The following VSTM2A variants were observed in gnomAD, a reference collection of about 807,000 sequenced individuals.
VSTM2A encodes the protein V-set and transmembrane domain containing 2A, also known as V-set and transmembrane domain-containing protein 2A.
In VSTM2A, 13 loss-of-function variants were observed where a neutral mutation model predicts 27.3. That is an observed-to-expected ratio of 0.48 (90% CI 0.31 to 0.76). The LOEUF (loss-of-function observed/expected upper bound fraction) is 0.76, where lower values mean the gene tolerates loss of function less well. Ranked by LOEUF, VSTM2A falls within the 30% of genes least tolerant of loss-of-function variation. The pLI is 0.05. For synonymous variants in VSTM2A, 142 were observed against 125.7 expected, an observed-to-expected ratio of 1.13 and a Z score of -0.87; for missense variants, 280 against 310.0, an observed-to-expected ratio of 0.90 and a Z score of 0.73.
At chr7:54,561,532 G>A (rs1354603611) in intron 4 of VSTM2A, among the ~76,000 whole-genome samples, 4 of 152,134 alleles carry the variant, frequency 2.6e-5, no homozygotes, top group Admixed American at 1.3e-4. Flanking sequence ...GAAGTTTGAT[G>A]AACAAATTCC....
At chr7:54,560,157 A>T (rs1164664106) in intron 4 of VSTM2A, among the ~76,000 whole-genome samples, 1 of 115,684 alleles carries the variant, frequency 8.6e-6, no homozygotes, top group Admixed American at 9.3e-5. Flanking sequence ...ACAAATAAAG[A>T]GAAGCAAAGT....
chr7:54,553,003 T>C (rs1788239322), intron 4 of VSTM2A, among the ~76,000 whole-genome samples: 1 of 152,214 alleles, frequency 6.6e-6, no homozygotes. Context: ...GGAAAACATA[T>C]TAGCTGAAAA....
At chr7:54,567,204 G>A (rs992321098) in intron 4 of VSTM2A, among the ~76,000 whole-genome samples, 2 of 152,096 alleles carry the variant, frequency 1.3e-5, no homozygotes, top group African/African-American at 2.4e-5. Context: ...TTTTCCTGGC[G>A]AAAATGAATT....
Position 54,547,016 on chromosome 7 carries a change from A to C in VSTM2A, c.297+19A>C. 1 of 1,573,116 alleles carries C rather than the reference A, an allele frequency of 6.4e-7. No homozygotes were observed. Among genetic ancestry groups the C allele is most frequent in the Non-Finnish European group, 8.6e-7 (1 of 1,162,146 alleles). ...GATCAGCGTGAGTGCGGGGCGCGCC[A>C]AGGGCCGCGGGCCCAGGCTCGGGAC... On this transcript the variant is annotated intron_variant, in intron 3 of 4. Coordinates refer to ENST00000402613, the MANE Select transcript of VSTM2A (RefSeq NM_001301009.2).
At chr7:54,563,056 G>A (rs1422614560) in intron 4 of VSTM2A, among the ~76,000 whole-genome samples, 4 of 152,124 alleles carry the variant, frequency 2.6e-5, no homozygotes, top group Non-Finnish European at 5.9e-5. Flanking sequence ...TGTGGTATTA[G>A]AATTTCGTTC....
chr7:54,569,270 C>T lies in VSTM2A; in HGVS notation c.*51C>T. 1.3e-6 allele frequency: 2 copies of T among 1,547,842 alleles called. No homozygotes were observed. Among genetic ancestry groups the T allele is most frequent in the South Asian group, 1.2e-5 (1 of 83,240 alleles). On this transcript the variant is annotated 3_prime_UTR_variant, in exon 5 of 5. Transcript: ENST00000402613. ...CCGGAAGCATAAATGAAGAGGCTATCACATGCTTTGTTGATCATATTTTCT... is the reference window on the plus strand; with the variant it reads ...CCGGAAGCATAAATGAAGAGGCTATTACATGCTTTGTTGATCATATTTTCT...
intron 3 of VSTM2A, 109 bp downstream of exon 3, chr7:54,547,106 G>C: frequency 7.5e-7 from 1 of 1,334,764 alleles, no homozygotes; most frequent in Non-Finnish European, 1.0e-6. Context: ...GGACAGCCGG[G>C]TGCCCCTTGC....
chr7:54,550,230 C>A, intron 4 of VSTM2A, 60 bp downstream of exon 4: 1 of 1,552,320 alleles, frequency 6.4e-7, no homozygotes, highest in Non-Finnish European at 8.7e-7. Context: ...ACAGAAAGGT[C>A]AGTCGTATAG....
rs542597076 is a variant in VSTM2A at position 54,570,720 on chromosome 7, T to A, written c.*1501T>A. 4 of 152,150 alleles carry A rather than the reference T, an allele frequency of 2.6e-5. No homozygotes were observed. The highest frequency in any genetic ancestry group is 5.9e-5 in the Non-Finnish European group (4 of 68,012). 9.4% of individuals were successfully genotyped at this position (152,150 alleles called of 1,614,324 possible). On this transcript the variant is annotated 3_prime_UTR_variant, in exon 5 of 5. Transcript: ENST00000402613. ...AGAACTATTAGTGTTCCATATACAT[T>A]ATGGAATAGATAAAGCTTGAGAGAT...
At chr7:54,551,785 A>T (rs1788209258) in intron 4 of VSTM2A, 1 of 152,228 alleles carries the variant, frequency 6.6e-6, no homozygotes, top group Admixed American at 6.5e-5. Context: ...CAGACAATTT[A>T]CAACCTAATT....
At position 54,570,648 on chromosome 7, in the gene VSTM2A, C is replaced by T. The variant is rs958917863; in HGVS notation, c.*1429C>T. On this transcript the variant is annotated 3_prime_UTR_variant, in exon 5 of 5. Transcript: ENST00000402613. Reference sequence around the variant, plus strand: ...ATTTATGTCTTTATGATAATTCAGACTATTTTATTTTGAACCTGTTTTCTA... The same window carrying T: ...ATTTATGTCTTTATGATAATTCAGATTATTTTATTTTGAACCTGTTTTCTA... 1.5e-4 allele frequency: 23 copies of T among 152,184 alleles called. No homozygotes were observed. Among genetic ancestry groups the T allele is most frequent in the Non-Finnish European group, 2.8e-4 (19 of 67,984 alleles). 9.4% of individuals were successfully genotyped at this position (152,184 alleles called of 1,614,324 possible).
intron 3 of VSTM2A, among the ~76,000 whole-genome samples, chr7:54,547,789 A>G (rs1241690625): frequency 6.6e-6 from 1 of 152,192 alleles, no homozygotes; most frequent in Non-Finnish European, 1.5e-5. Context: ...CTAAAATCCC[A>G]ATGACCTACA....
intron 3 of VSTM2A, 101 bp downstream of exon 3, chr7:54,547,098 A>ACAG: frequency 7.2e-7 from 1 of 1,382,702 alleles, no homozygotes. Context: ...GGACAGCCGG[A>ACAG]CAGCCGGGTG....
At chr7:54,546,285 G>A (rs1787964060) in intron 2 of VSTM2A, 1 of 161,814 alleles carries the variant, frequency 6.2e-6, no homozygotes, top group African/African-American at 2.4e-5. Flanking sequence ...GGGTGGTGAG[G>A]TGGGGAAGGA....
intron 4 of VSTM2A, among the ~76,000 whole-genome samples, chr7:54,560,561 G>A (rs1197625777): frequency 6.6e-6 from 1 of 152,068 alleles, no homozygotes; most frequent in Non-Finnish European, 1.5e-5. Flanking sequence ...TCGGACACAG[G>A]AAGATTTATA....
intron 4 of VSTM2A, among the ~76,000 whole-genome samples, chr7:54,562,116 G>T (rs1788581531): frequency 6.6e-6 from 1 of 152,054 alleles, no homozygotes. Context: ...TAGAAACAGG[G>T]TTTCACCATG....
chr7:54,552,866 A>T (rs1371368066), intron 4 of VSTM2A, among the ~76,000 whole-genome samples: 1 of 152,222 alleles, frequency 6.6e-6, no homozygotes, highest in Non-Finnish European at 1.5e-5. Flanking sequence ...CTGTCACAAA[A>T]GCTGGCCCGT....
intron 2 of VSTM2A, chr7:54,546,731 C>A: frequency 5.8e-6 from 3 of 521,588 alleles, no homozygotes; most frequent in Non-Finnish European, 1.0e-5. Context: ...AGCGCGGGGA[C>A]GGCGTGGGGT....
Position 54,549,828 on chromosome 7 carries a change from T to A in VSTM2A, c.298-6T>A, listed in dbSNP as rs1788122126. The A allele has an allele frequency of 6.4e-7, 1 of 1,566,458 alleles. No homozygotes were observed. Among genetic ancestry groups the A allele is most frequent in the Non-Finnish European group, 8.6e-7 (1 of 1,158,790 alleles). On this transcript the variant is annotated splice_polypyrimidine_tract_variant and splice_region_variant and intron_variant, in intron 3 of 4. Coordinates refer to ENST00000402613, the MANE Select transcript of VSTM2A (RefSeq NM_001301009.2). ...TTTATTGTTTTTTTTACCTGCAATT[T>A]TTCAGACAGTGAAAGTCCAAGGCAA...
Sources: allele counts gnomAD v4.1 joint callset (sites outside exome capture counted in the v4.1 genomes callset), GRCh38; gene constraint gnomAD v4.1.1; transcripts MANE v1.5; gene names NCBI Gene and HGNC (gene_info 2026-07-23, HGNC 2026-07-21).